TCERG1: variants seen among roughly 807,000 people sequenced by gnomAD.
TCERG1 encodes transcription elongation regulator 1, also known as TATA box binding protein (TBP)-associated factor, RNA polymerase II, S, 150kD.
In TCERG1, 37 loss-of-function variants were observed where a neutral mutation model predicts 144.7. The observed-to-expected ratio is 0.26, with a 90% CI of 0.20 to 0.34. The LOEUF is 0.34. TCERG1 is among the 10% of genes least tolerant of loss of function. The probability of loss-of-function intolerance (pLI) is 1.00; values close to 1 mark genes in which losing one functional copy is unlikely to be tolerated. For synonymous variants in TCERG1, 492 were observed against 458.2 expected, an observed-to-expected ratio of 1.07 and a Z score of -0.94; for missense variants, 1,027 against 1,380.7, an observed-to-expected ratio of 0.74 and a Z score of 4.06.
chr5:146,453,223 G>A (rs1762510956), intron 1 of TCERG1, among the ~76,000 whole-genome samples: 1 of 152,078 alleles, frequency 6.6e-6, no homozygotes, highest in South Asian at 2.1e-4. Flanking sequence ...GCCCTACAGG[G>A]AAAGGCTTTC....
chr5:146,452,641 G>A (rs1762455745), intron 1 of TCERG1, among the ~76,000 whole-genome samples: 1 of 152,134 alleles, frequency 6.6e-6, no homozygotes, highest in Admixed American at 6.5e-5. Flanking sequence ...CCAGGCTGGA[G>A]TGCAGTGGCA....
chr5:146,449,647 C>T (rs1196852939), intron 1 of TCERG1, among the ~76,000 whole-genome samples: 1 of 152,140 alleles, frequency 6.6e-6, no homozygotes, highest in Non-Finnish European at 1.5e-5. Flanking sequence ...TAGAAAAATA[C>T]CTTATGTTTG....
rs112129142 is a variant in TCERG1, at chr5:146,478,809, G to C, written c.1762+156G>C. Among the ~76,000 whole-genome samples, 136 of 152,268 alleles carry C rather than the reference G, an allele frequency of 8.9e-4. 1 individual carries two copies. The highest frequency in any genetic ancestry group is 3.2e-3 in the African/African-American group (132 of 41,566). On this transcript the variant is annotated intron_variant, in intron 10 of 22. Transcript: ENST00000679501. Reference sequence around the variant, plus strand: ...CTATCCTAGTTTGAATGAAATAATAGAGATTAAAAATATGGAGAGAATTTG... The same window carrying C: ...CTATCCTAGTTTGAATGAAATAATACAGATTAAAAATATGGAGAGAATTTG...
At chr5:146,458,365 A>G (rs1355373656) in intron 3 of TCERG1, among the ~76,000 whole-genome samples, 1 of 151,612 alleles carries the variant, frequency 6.6e-6, no homozygotes, top group Non-Finnish European at 1.5e-5. Flanking sequence ...TTTAGTAGAG[A>G]CAGGGTTTTA....
intron 1 of TCERG1, among the ~76,000 whole-genome samples, chr5:146,451,739 A>AT (rs1561626782): frequency 1.5e-5 from 2 of 133,766 alleles, no homozygotes; most frequent in Non-Finnish European, 3.2e-5. Flanking sequence ...TCCTGGTTAT[A>AT]CCAGGACTGT....
intron 5 of TCERG1, among the ~76,000 whole-genome samples, chr5:146,468,105 A>G (rs968845632): frequency 2.0e-5 from 3 of 152,200 alleles, no homozygotes; most frequent in Admixed American, 2.0e-4. Flanking sequence ...CTCCTTCAAT[A>G]TGTTCAGAGC....
chr5:146,508,822 G>T (rs1285653452), intron 21 of TCERG1, among the ~76,000 whole-genome samples: 1 of 152,148 alleles, frequency 6.6e-6, no homozygotes, highest in African/African-American at 2.4e-5. Flanking sequence ...ATTTTTAAGT[G>T]TCCACCTCAT....
rs747573248 is a variant in TCERG1 at position 146,479,858 on chromosome 5, A to C, written c.1766A>C (p.His589Pro). ...KGMEELKKLR[H>P]PTPTMLSIQK... is the part of the protein sequence containing the mutation. ...ATATTTGAAATGTTTTTGCCAGGGC[A>C]CCCAACTCCGACAATGCTGTCGATC... Residue 589 changes from histidine (H) to proline (P), a missense_variant, in exon 11 of 23, where the codon CAC (histidine) becomes CCC (proline). Around this residue, in one of 6 missense-constraint regions of TCERG1, gnomAD observed 482 missense variants for 632.6 expected, o/e 0.76. Transcript: ENST00000679501. 1.9e-6 allele frequency: 3 copies of C among 1,613,508 alleles called. No individual in the cohort carries two copies. Among genetic ancestry groups the C allele is most frequent in the Non-Finnish European group, 2.5e-6 (3 of 1,179,630 alleles).
At chr5:146,481,722 A>G (rs1454627721) in intron 13 of TCERG1, 3 of 152,158 alleles carry the variant, frequency 2.0e-5, no homozygotes, top group Non-Finnish European at 4.4e-5. Flanking sequence ...ATCTGCTAAA[A>G]TACACCCAGA....
chr5:146,506,890 A>C, intron 19 of TCERG1, 138 bp from the exon 20 acceptor site: 5 of 604,106 alleles, frequency 8.3e-6, no homozygotes, highest in Non-Finnish European at 1.3e-5. Flanking sequence ...CATTTTCTTT[A>C]TCCATGTATC....
In TCERG1 at chr5:146,507,171, A is replaced by G. The variant is rs1377770684; in HGVS notation, c.2925A>G (p.Arg975=). 6 of 1,606,746 alleles carry G rather than the reference A, an allele frequency of 3.7e-6. No individual in the cohort carries two copies. The highest frequency in any genetic ancestry group is 5.1e-6 in the Non-Finnish European group (6 of 1,178,188). ...EHIEALTKKK[R]EHFRQLLDET... is the part of the protein sequence containing the mutation. ...TTGAAGCACTTACCAAAAAAAAGAGAGAGCACTTTAGGCAACTTCTGGATG... is the reference window on the plus strand; with the variant it reads ...TTGAAGCACTTACCAAAAAAAAGAGGGAGCACTTTAGGCAACTTCTGGATG... The change falls in exon 20 of 23, where the codon AGA becomes AGG. Residue 975 remains arginine (R), a synonymous_variant. Transcript: ENST00000679501. The surrounding 1 kb of genome is among the most constrained non-coding windows in gnomAD (Gnocchi z 4.6).
intron 1 of TCERG1, among the ~76,000 whole-genome samples, chr5:146,454,037 C>CAAAAAAAAA (rs56657111): frequency 7.7e-6 from 1 of 129,838 alleles, no homozygotes; most frequent in African/African-American, 3.0e-5. Context: ...TACTCAAATA[C>CAAAAAAAAA]AAAAAAAAAA....
At chr5:146,499,236 C>A (rs924872186) in intron 17 of TCERG1, among the ~76,000 whole-genome samples, 3 of 152,096 alleles carry the variant, frequency 2.0e-5, no homozygotes, top group Admixed American at 2.0e-4. Context: ...GGAGATGACC[C>A]CAGTGGTGTG....
chr5:146,464,100 G>C (rs1028886069), intron 5 of TCERG1, among the ~76,000 whole-genome samples: 10 of 152,084 alleles, frequency 6.6e-5, no homozygotes, highest in African/African-American at 2.4e-4. Context: ...ATTTTTGAAG[G>C]GTTGAGTTTA....
chr5:146,509,818 CA>C (rs1302578416), intron 22 of TCERG1, among the ~76,000 whole-genome samples: 1 of 152,126 alleles, frequency 6.6e-6, no homozygotes, highest in African/African-American at 2.4e-5. Flanking sequence ...ATCAGGAAAA[CA>C]ATTTCGCATT....
intron 13 of TCERG1, 146 bp from the exon 14 acceptor site, chr5:146,482,446 C>A: frequency 3.3e-6 from 2 of 603,652 alleles, no homozygotes; most frequent in Non-Finnish European, 5.4e-6. Context: ...CCTTAGAGTT[C>A]ATTTGAAACC....
chr5:146,494,007 T>C (rs1766659273), intron 16 of TCERG1, among the ~76,000 whole-genome samples: 1 of 152,124 alleles, frequency 6.6e-6, no homozygotes, highest in South Asian at 2.1e-4. Flanking sequence ...TAGTTTTATA[T>C]TTGAAATATG....
At chr5:146,504,926 G>T (rs990513942) in intron 19 of TCERG1, among the ~76,000 whole-genome samples, 1 of 151,996 alleles carries the variant, frequency 6.6e-6, no homozygotes, top group African/African-American at 2.4e-5. Context: ...CGTGCCTGTA[G>T]TCCCAGCTAC....
At chr5:146,456,022 T>A (rs1762805122) in intron 2 of TCERG1, among the ~76,000 whole-genome samples, 1 of 152,300 alleles carries the variant, frequency 6.6e-6, no homozygotes, top group African/African-American at 2.4e-5. Context: ...CAAATAAATA[T>A]AGTGGTATCA....
Sources: gnomAD v4.1 joint callset for allele counts (sites outside exome capture counted in the v4.1 genomes callset) on GRCh38, gnomAD v4.1.1 for gene constraint, gnomAD v4.1.1 regional missense constraint, Gnocchi (gnomAD v3.1) non-coding constraint, MANE v1.5 for transcripts, NCBI Gene and HGNC (gene_info 2026-07-23, HGNC 2026-07-21) for gene names.